The following C10orf67 variants were observed in gnomAD, a reference collection of about 807,000 sequenced individuals.
C10orf67 encodes uncharacterized protein C10orf67, mitochondrial.
In C10orf67, 60 loss-of-function variants were observed where a neutral mutation model predicts 35.6. The observed-to-expected ratio is 1.68, with a 90% CI of 1.37 to 2.09. C10orf67 has a LOEUF of 2.09. C10orf67 is among the 30% of genes most tolerant of loss of function. The pLI is 0.00. For synonymous variants in C10orf67, 167 were observed against 115.8 expected, an observed-to-expected ratio of 1.44 and a Z score of -2.84; for missense variants, 474 against 330.2, an observed-to-expected ratio of 1.44 and a Z score of -3.38.
intron 4 of C10orf67, among the ~76,000 whole-genome samples, chr10:23,307,505 T>G (rs530147700): frequency 9.9e-5 from 15 of 152,136 alleles, no homozygotes; most frequent in African/African-American, 3.6e-4. Context: ...AAAAAATGAA[T>G]GTACAGTAGA....
chr10:23,302,417 T>C (rs1323738222), intron 5 of C10orf67, among the ~76,000 whole-genome samples: 1 of 152,176 alleles, frequency 6.6e-6, no homozygotes, highest in Admixed American at 6.5e-5. Flanking sequence ...AGGAAGTTAC[T>C]TAACCACCCT....
In C10orf67 at chr10:23,300,359, C is replaced by T. The variant is rs187090923; in HGVS notation, c.702+2945G>A. ...CTCCAAAGTCCGCTTGCCTGAGGGC[C>T]ATGACTAAAGCGGTGGCCTTTTTTT... On this transcript the variant is annotated intron_variant, in intron 5 of 15. Transcript: ENST00000636213. 7.9e-4 allele frequency among the ~76,000 whole-genome samples: 121 copies of T among 152,292 alleles called. 2 individuals are homozygous for T. The highest frequency in any genetic ancestry group is 3.1e-3 in the Admixed American group (48 of 15,300).
intron 12 of C10orf67, among the ~76,000 whole-genome samples, chr10:23,243,561 C>A (rs758733641): frequency 6.6e-6 from 1 of 152,014 alleles, no homozygotes; most frequent in Non-Finnish European, 1.5e-5. Flanking sequence ...GTGGCGCATG[C>A]CTGTAATCCC....
At chr10:23,287,778 AAAAC>A (rs1234521919) in intron 7 of C10orf67, among the ~76,000 whole-genome samples, 2 of 152,210 alleles carry the variant, frequency 1.3e-5, no homozygotes, top group Admixed American at 1.3e-4. Flanking sequence ...TTACAAGAAA[AAAAC>A]AAACAACCCC....
chr10:23,207,986 C>T (rs1033557906), intron 15 of C10orf67, among the ~76,000 whole-genome samples: 7 of 152,276 alleles, frequency 4.6e-5, no homozygotes, highest in Middle Eastern at 3.4e-3. Flanking sequence ...ATTCCCCACC[C>T]CCCTCTTTAT....
Position 23,266,435 on chromosome 10 carries a change from CAAAAA to C in C10orf67, c.1036-14_1036-10del. On this transcript the variant is annotated splice_polypyrimidine_tract_variant and intron_variant, in intron 9 of 15. Transcript: ENST00000636213. ...TTGGCTGATCTTGCAACCTGCCACA[CAAAAA>C]GACACAACTTTGTTATTCTCATTTT... 1 of 398,552 alleles carries C rather than the reference CAAAAA, an allele frequency of 2.5e-6. No individual in the cohort carries two copies. Among genetic ancestry groups the C allele is most frequent in the Non-Finnish European group, 4.4e-6 (1 of 226,034 alleles). 24.7% of individuals were successfully genotyped at this position (398,552 alleles called of 1,614,324 possible). A position where few individuals can be genotyped will look rare whatever the true frequency, so the allele number is the denominator to read the frequency against.
intron 8 of C10orf67, among the ~76,000 whole-genome samples, chr10:23,276,935 A>G (rs1843207121): frequency 6.6e-6 from 1 of 152,162 alleles, no homozygotes; most frequent in African/African-American, 2.4e-5. Flanking sequence ...AAATGAAAAC[A>G]AAGGAAGAGG....
At chr10:23,243,485 A>G (rs1474309488) in intron 12 of C10orf67, among the ~76,000 whole-genome samples, 2 of 151,794 alleles carry the variant, frequency 1.3e-5, no homozygotes, top group African/African-American at 4.8e-5. Context: ...GGAGTTTGAG[A>G]CCAGCCTGAC....
intron 5 of C10orf67, among the ~76,000 whole-genome samples, chr10:23,297,342 C>G (rs1022291319): frequency 3.3e-5 from 5 of 152,036 alleles, no homozygotes; most frequent in African/African-American, 1.2e-4. Flanking sequence ...TCCCTAATGG[C>G]TTCCTGATGT....
chr10:23,265,418 T>C (rs1360237030), intron 10 of C10orf67, among the ~76,000 whole-genome samples: 1 of 152,144 alleles, frequency 6.6e-6, no homozygotes, highest in Non-Finnish European at 1.5e-5. Context: ...TGGGAACACG[T>C]AGGAACAGGA....
At chr10:23,219,343 C>T (rs373559193) in intron 15 of C10orf67, among the ~76,000 whole-genome samples, 4 of 152,216 alleles carry the variant, frequency 2.6e-5, no homozygotes, top group South Asian at 4.1e-4. Context: ...CTGTAAGATT[C>T]GTGTCTTTTG....
Position 23,202,873 on chromosome 10 carries a change from T to A in C10orf67, c.*1300A>T, listed in dbSNP as rs1282214901. 2 of 152,344 alleles carry A rather than the reference T, an allele frequency of 1.3e-5. No individual in the cohort carries two copies. The highest frequency in any genetic ancestry group is 3.9e-4 in the East Asian group (2 of 5,190). 9.4% of individuals were successfully genotyped at this position (152,344 alleles called of 1,614,324 possible). On this transcript the variant is annotated 3_prime_UTR_variant, in exon 16 of 16. Coordinates refer to ENST00000636213, the MANE Select transcript of C10orf67 (RefSeq NM_001371909.1). ...ATGGCACAGAGAATACAAATTTTAT[T>A]TCATTTCCTCTGTTTCTTGTAGGGT...
At position 23,308,535 on chromosome 10, in the gene C10orf67, C is replaced by T. The variant is rs370603897; in HGVS notation, c.547-5076G>A. 2.0e-4 allele frequency among the ~76,000 whole-genome samples: 31 copies of T among 152,248 alleles called. No individual in the cohort carries two copies. The South Asian group carries it at 4.8e-3, about 23-fold the overall frequency. On this transcript the variant is annotated intron_variant, in intron 4 of 15. Coordinates refer to ENST00000636213, the MANE Select transcript of C10orf67 (RefSeq NM_001371909.1). ...GGCATTTTATCAATACTGATACACT[C>T]GGCATCCAACTTCTCAGAAACACCA...
At chr10:23,259,711 G>GA (rs1425466385) in intron 10 of C10orf67, among the ~76,000 whole-genome samples, 1 of 151,992 alleles carries the variant, frequency 6.6e-6, no homozygotes, top group East Asian at 1.9e-4. Flanking sequence ...CAGAGAGGTG[G>GA]AAAATGTAAA....
chr10:23,246,585 A>G (rs1289428197), intron 12 of C10orf67, among the ~76,000 whole-genome samples: 1 of 152,202 alleles, frequency 6.6e-6, no homozygotes, highest in Non-Finnish European at 1.5e-5. Flanking sequence ...AGATACAGTC[A>G]TGCACTGCAT....
intron 15 of C10orf67, among the ~76,000 whole-genome samples, chr10:23,215,243 A>G (rs957429029): frequency 7.9e-5 from 12 of 152,176 alleles, no homozygotes; most frequent in African/African-American, 4.8e-5. Context: ...TCACCTTCAC[A>G]AAGGACACTA....
At chr10:23,308,722 A>G (rs1320383156) in intron 4 of C10orf67, among the ~76,000 whole-genome samples, 4 of 152,124 alleles carry the variant, frequency 2.6e-5, no homozygotes, top group Admixed American at 6.6e-5. Context: ...TTAAACCCCG[A>G]GTGTCTCAGT....
At chr10:23,285,872 A>AT (rs1227093375) in intron 7 of C10orf67, among the ~76,000 whole-genome samples, 17 of 152,372 alleles carry the variant, frequency 1.1e-4, no homozygotes, top group Admixed American at 6.5e-4. Flanking sequence ...CAATAGCCAC[A>AT]TGTGGCCAAG....
chr10:23,237,279 C>T (rs752286182), intron 13 of C10orf67, among the ~76,000 whole-genome samples: 1 of 152,138 alleles, frequency 6.6e-6, no homozygotes, highest in Non-Finnish European at 1.5e-5. Context: ...TTTGTCCAGT[C>T]TACCATTGAT....
Sources: allele counts gnomAD v4.1 joint callset (sites outside exome capture counted in the v4.1 genomes callset), GRCh38; gene constraint gnomAD v4.1.1; transcripts MANE v1.5; gene names NCBI Gene and HGNC (gene_info 2026-07-23, HGNC 2026-07-21).